The following LETM1 variants were observed in gnomAD, a reference collection of about 807,000 sequenced individuals.
LETM1 encodes the protein mitochondrial proton/calcium exchanger protein.
In LETM1, 50 loss-of-function variants were observed where a neutral mutation model predicts 74.5. That is an observed-to-expected ratio of 0.67 (90% CI 0.53 to 0.85). The LOEUF is 0.85. Among genes scored for constraint, LETM1 ranks in the 40% least tolerant of loss-of-function variants. The pLI is 0.00. For missense variants in LETM1, 824 were observed against 967.8 expected, an observed-to-expected ratio of 0.85 and a Z score of 1.97; for synonymous variants, 446 against 407.1, an observed-to-expected ratio of 1.10 and a Z score of -1.15.
At chr4:1,839,395 C>T (rs1577322585) in intron 3 of LETM1, 1 of 152,376 alleles carries the variant, frequency 6.6e-6, no homozygotes, top group Non-Finnish European at 1.5e-5. Context: ...CAGATGCAGA[C>T]CCCTCCCAGG....
chr4:1,838,435 G>T (rs1373208324), intron 3 of LETM1, among the ~76,000 whole-genome samples: 1 of 152,048 alleles, frequency 6.6e-6, no homozygotes, highest in Non-Finnish European at 1.5e-5. Context: ...CCAGCACTTT[G>T]GGAGGCCGAG....
intron 1 of LETM1, among the ~76,000 whole-genome samples, chr4:1,851,853 C>A (rs1037025744): frequency 1.2e-4 from 19 of 152,326 alleles, no homozygotes; most frequent in African/African-American, 4.1e-4. Context: ...GTGACCCTAC[C>A]TTCTCTCTAA....
At chr4:1,849,083 G>T in intron 2 of LETM1, 66 bp downstream of exon 2, 2 of 1,083,680 alleles carry the variant, frequency 1.8e-6, no homozygotes, top group Non-Finnish European at 2.9e-6. Flanking sequence ...AGTCACTCGT[G>T]ACTCTCCACC....
intron 2 of LETM1, among the ~76,000 whole-genome samples, chr4:1,842,034 C>T (rs1019251375): frequency 9.9e-5 from 15 of 152,124 alleles, no homozygotes; most frequent in African/African-American, 2.4e-4. Flanking sequence ...GGAGCATGGG[C>T]GGGCGATCCC....
chr4:1,824,672 G>A (rs1303655471), intron 7 of LETM1, among the ~76,000 whole-genome samples: 1 of 152,278 alleles, frequency 6.6e-6, no homozygotes, highest in South Asian at 2.1e-4. Context: ...CCCCCAATGC[G>A]CCACACTCCC....
In LETM1 at chr4:1,836,482, C is replaced by G; in HGVS notation, c.685G>C (p.Val229Leu). 6.2e-7 allele frequency: 1 copy of G among 1,614,006 alleles called. No homozygotes were observed. Among genetic ancestry groups the G allele is most frequent in the South Asian group, 1.1e-5 (1 of 91,074 alleles). ...PFMEFLLPVA[V>L]KLFPNMLPST... The stretch of plus-strand genomic sequence containing the variant: ...GGCAACATGTTGGGGAAGAGCTTCA[C>G]AGCAACAGGCAGCAGAAACTCCATG... Residue 229 changes from valine (V) to leucine (L), a missense_variant, in exon 4 of 14, where the codon GTG (valine) becomes CTG (leucine). Physicochemically the swap from Val to Leu is conservative, Grantham distance 32. Around this residue, in one of 4 missense-constraint regions of LETM1, gnomAD observed 269 missense variants for 348.8 expected, o/e 0.77. Transcript: ENST00000302787. The surrounding 1 kb of genome is among the most constrained non-coding windows in gnomAD (Gnocchi z 5.8).
In LETM1 at chr4:1,832,822, C is replaced by T. The variant is rs1450754446; in HGVS notation, c.1002G>A (p.Glu334=). 2 of 1,614,188 alleles carry T rather than the reference C, an allele frequency of 1.2e-6. No homozygotes were observed. The highest frequency in any genetic ancestry group is 2.7e-5 in the African/African-American group (2 of 75,044). ...AGTTGTTGGTGCCGATGGACTGTAG[C>T]TCCAGCAGCTTGCACAGGGCCACCA... ...PQLVALCKLL[E]LQSIGTNNFL... Residue 334 remains glutamate, a synonymous_variant, in exon 6 of 14, where the codon GAG becomes GAA. Transcript: ENST00000302787.
rs191851984 is a variant in LETM1, at chr4:1,822,923, C to T, written c.1476+65G>A. Reference sequence around the variant, plus strand: ...GCGGGAGGCCAAGACTGTGGGCGTGCGGGGGTTTCTAGGGAGGCTGGCTCA... The same window carrying T: ...GCGGGAGGCCAAGACTGTGGGCGTGTGGGGGTTTCTAGGGAGGCTGGCTCA... On this transcript the variant is annotated intron_variant, in intron 9 of 13. Coordinates refer to ENST00000302787, the MANE Select transcript of LETM1 (RefSeq NM_012318.3). 5.5e-4 allele frequency: 711 copies of T among 1,296,012 alleles called. 1 individual carries two copies. In the African/African-American group the frequency reaches 8.8e-3, roughly 16 times the overall value. 80.3% of individuals were successfully genotyped at this position (1,296,012 alleles called of 1,614,324 possible).
intron 1 of LETM1, among the ~76,000 whole-genome samples, chr4:1,850,400 G>A (rs1004993511): frequency 2.6e-5 from 4 of 152,132 alleles, no homozygotes; most frequent in Non-Finnish European, 5.9e-5. Context: ...CACTCCTACC[G>A]GTGGCACCAT....
At chr4:1,833,029 T>C in intron 5 of LETM1, 82 bp from the exon 6 acceptor site, 1 of 1,259,710 alleles carries the variant, frequency 7.9e-7, no homozygotes, top group Non-Finnish European at 1.2e-6. Context: ...TCCCAAAGGG[T>C]GCTGCCTCTC....
At chr4:1,855,463 T>C (rs765383075) in intron 1 of LETM1, among the ~76,000 whole-genome samples, 6 of 152,244 alleles carry the variant, frequency 3.9e-5, no homozygotes, top group Non-Finnish European at 8.8e-5. Flanking sequence ...CAGCAGGTCC[T>C]GCTCGCCGGT....
chr4:1,829,381 TGGCCGGGCGGGG>T (rs1292993215), intron 6 of LETM1, among the ~76,000 whole-genome samples: 1 of 151,878 alleles, frequency 6.6e-6, no homozygotes, highest in African/African-American at 2.4e-5. Flanking sequence ...ATGGGGCGGC[TGGCCGGGCGGGG>T]GGCTGACCCC....
At position 1,834,883 on chromosome 4, in the gene LETM1, C is replaced by T; in HGVS notation, c.838G>A (p.Gly280Ser). The change falls in exon 5 of 14, where the codon GGC (glycine) becomes AGC (serine). Residue 280 changes from glycine to serine, a missense_variant. Around this residue, in one of 4 missense-constraint regions of LETM1, gnomAD observed 269 missense variants for 348.8 expected, o/e 0.77. Coordinates refer to ENST00000302787, the MANE Select transcript of LETM1 (RefSeq NM_012318.3). This position sits in a 1 kb window ranked among gnomAD's most constrained non-coding sequence, Gnocchi z 5.0. ...ACAGAGAAGTCTTTGGTGGCGCTGC[C>T]CTTGGCTGCCTTGTTCTTCAAGGCC... Reference protein sequence around the residue: ...EMALKNKAAKGSATKDFSVFF... With the variant: ...EMALKNKAAKSSATKDFSVFF... 1 of 1,614,174 alleles carries T rather than the reference C, an allele frequency of 6.2e-7. No individual in the cohort carries two copies. The highest frequency in any genetic ancestry group is 8.5e-7 in the Non-Finnish European group (1 of 1,180,024).
At chr4:1,832,710 C>T (rs1322953615) in intron 6 of LETM1, 34 bp downstream of exon 6, 4 of 1,597,622 alleles carry the variant, frequency 2.5e-6, no homozygotes, top group Non-Finnish European at 3.4e-6. Flanking sequence ...AGGTAAAACA[C>T]CAGAGCTGTG....
intron 6 of LETM1, among the ~76,000 whole-genome samples, chr4:1,832,158 C>T (rs887941322): frequency 1.3e-5 from 2 of 152,130 alleles, no homozygotes; most frequent in South Asian, 2.1e-4. Context: ...AAAAAATAGC[C>T]GGGTATGGTG....
chr4:1,816,672 C>T, intron 12 of LETM1, 55 bp downstream of exon 12: 1 of 1,537,118 alleles, frequency 6.5e-7, no homozygotes, highest in South Asian at 1.2e-5. Flanking sequence ...AGCAAAGGGA[C>T]CAGCCTCCCT....
At chr4:1,848,375 C>T (rs1224988493) in intron 2 of LETM1, among the ~76,000 whole-genome samples, 1 of 151,910 alleles carries the variant, frequency 6.6e-6, no homozygotes, top group Non-Finnish European at 1.5e-5. Flanking sequence ...GGTGAAACCC[C>T]ATCTCTACTA....
intron 10 of LETM1, among the ~76,000 whole-genome samples, chr4:1,820,225 G>A (rs932980845): frequency 7.2e-5 from 11 of 152,100 alleles, no homozygotes; most frequent in East Asian, 1.9e-4. Context: ...TGTGGGCCCC[G>A]CGCCCAGCCT....
intron 10 of LETM1, among the ~76,000 whole-genome samples, chr4:1,821,499 G>C (rs1459734544): frequency 6.6e-6 from 1 of 151,616 alleles, no homozygotes; most frequent in Non-Finnish European, 1.5e-5. Context: ...GACCAGCCTG[G>C]CTAACATGGT....
Sources: gnomAD v4.1 joint callset for allele counts (sites outside exome capture counted in the v4.1 genomes callset) on GRCh38, gnomAD v4.1.1 for gene constraint, gnomAD v4.1.1 regional missense constraint, Gnocchi (gnomAD v3.1) non-coding constraint, MANE v1.5 for transcripts, NCBI Gene and HGNC (gene_info 2026-07-23, HGNC 2026-07-21) for gene names.